HLCS: variants seen among roughly 807,000 people sequenced by gnomAD.
HLCS encodes holocarboxylase synthetase.
HLCS carries 53 observed loss-of-function variants against 75.0 expected under a neutral mutation model. The ratio of observed to expected loss-of-function variants is 0.71; its 90% CI spans 0.57 to 0.89. The LOEUF is 0.89. Among genes scored for constraint, HLCS ranks in the 40% least tolerant of loss-of-function variants. The pLI is 0.00. For missense variants in HLCS, 966 were observed against 1,074.0 expected (o/e 0.90, Z 1.41); for synonymous variants, 431 against 428.6 (o/e 1.01, Z -0.07).
intron 9 of HLCS, among the ~76,000 whole-genome samples, chr21:36,758,983 CAA>C (rs376622742): frequency 1.5e-5 from 2 of 131,440 alleles, no homozygotes; most frequent in Non-Finnish European, 1.7e-5. Flanking sequence ...GACTCCATTT[CAA>C]AAAAAAAAAA....
intron 6 of HLCS, among the ~76,000 whole-genome samples, chr21:36,881,820 CAG>C (rs2146273673): frequency 6.6e-6 from 1 of 152,252 alleles, no homozygotes; most frequent in Admixed American, 6.5e-5. Flanking sequence ...CCCATGTGGA[CAG>C]GGGGGCTCTG....
At chr21:36,774,825 C>T (rs1293751874) in intron 6 of HLCS, among the ~76,000 whole-genome samples, 1 of 152,224 alleles carries the variant, frequency 6.6e-6, no homozygotes, top group Non-Finnish European at 1.5e-5. Flanking sequence ...GTTGAACTGG[C>T]TCTTCGGCTG....
upstream of HLCS, among the ~76,000 whole-genome samples, chr21:36,967,154 G>A (rs571568778): frequency 6.6e-6 from 1 of 152,076 alleles, no homozygotes; most frequent in African/African-American, 2.4e-5. Flanking sequence ...AGCTGCCAAG[G>A]CCAACCTTTA....
chr21:36,874,404 A>AAAATAAAATAAAAT (rs1350934078), intron 6 of HLCS, among the ~76,000 whole-genome samples: 1 of 121,868 alleles, frequency 8.2e-6, no homozygotes, highest in African/African-American at 4.3e-5. Flanking sequence ...TCCGTCTCAA[A>AAAATAAAATAAAAT]AAAATAAAAT....
At chr21:36,913,336 G>A (rs564371567) in intron 5 of HLCS, among the ~76,000 whole-genome samples, 12 of 152,070 alleles carry the variant, frequency 7.9e-5, no homozygotes, top group Non-Finnish European at 1.6e-4. Flanking sequence ...AATGCTGATG[G>A]TATCACAAAG....
At chr21:36,982,349 C>G (rs898099708) in intron 1 of HLCS, among the ~76,000 whole-genome samples, 2 of 152,206 alleles carry the variant, frequency 1.3e-5, no homozygotes, top group African/African-American at 4.8e-5. Flanking sequence ...AAGCATTTCT[C>G]TGGGTGTGGA....
At chr21:36,982,254 G>T (rs1730027586) in intron 1 of HLCS, among the ~76,000 whole-genome samples, 1 of 152,096 alleles carries the variant, frequency 6.6e-6, no homozygotes, top group Non-Finnish European at 1.5e-5. Context: ...TTCTCCTGGG[G>T]ATCAACATGG....
At chr21:36,772,786 C>T (rs965253154) in intron 6 of HLCS, among the ~76,000 whole-genome samples, 2 of 151,992 alleles carry the variant, frequency 1.3e-5, no homozygotes, top group Admixed American at 1.3e-4. Context: ...AGATCGAGAC[C>T]ATCCTGGCCA....
intron 6 of HLCS, among the ~76,000 whole-genome samples, chr21:36,847,433 A>G (rs1023722739): frequency 2.6e-5 from 4 of 152,220 alleles, no homozygotes; most frequent in African/African-American, 9.6e-5. Context: ...CAGTACAGAA[A>G]GTCAGAATAA....
chr21:36,839,698 A>G (rs1357839421), intron 6 of HLCS, among the ~76,000 whole-genome samples: 1 of 149,056 alleles, frequency 6.7e-6, no homozygotes, highest in Non-Finnish European at 1.5e-5. Flanking sequence ...AAGATGGTCC[A>G]GCTCACTGGC....
chr21:36,855,536 TAAAAAAAA>T (rs71901243), intron 6 of HLCS, among the ~76,000 whole-genome samples: 3 of 75,634 alleles, frequency 4.0e-5, no homozygotes, highest in Non-Finnish European at 8.2e-5. Flanking sequence ...AGACTCCATC[TAAAAAAAA>T]AAAAAAAAAA....
chr21:36,830,821 CAAAAAAAAA>C (rs34494258), intron 6 of HLCS, among the ~76,000 whole-genome samples: 1 of 62,004 alleles, frequency 1.6e-5, no homozygotes, highest in Admixed American at 2.1e-4. Flanking sequence ...GACCCTCTCT[CAAAAAAAAA>C]AAAAAAAAAA....
At chr21:36,795,995 A>C (rs8129544) in intron 6 of HLCS, among the ~76,000 whole-genome samples, 44,791 of 152,212 alleles carry the variant, frequency 0.29, 6,776 homozygotes, top group South Asian at 0.32. Context: ...ATTTTGGTGG[A>C]TTTAGTAAAC....
intron 2 of HLCS, among the ~76,000 whole-genome samples, chr21:36,939,260 T>C: frequency 6.6e-6 from 1 of 152,174 alleles, no homozygotes; most frequent in Non-Finnish European, 1.5e-5. Context: ...TTTTAAGGAA[T>C]TAAAAGATAA....
chr21:36,958,579 A>C, intron 2 of HLCS, among the ~76,000 whole-genome samples: 1 of 152,140 alleles, frequency 6.6e-6, no homozygotes. Context: ...GCCTGAGCTC[A>C]GGAGTTCGAG....
chr21:36,778,705 T>A (rs979958710), intron 6 of HLCS, among the ~76,000 whole-genome samples: 3 of 152,252 alleles, frequency 2.0e-5, no homozygotes, highest in Non-Finnish European at 4.4e-5. Context: ...ATTATTTATC[T>A]TTTAATTTAT....
intron 2 of HLCS, among the ~76,000 whole-genome samples, chr21:36,954,386 A>C (rs1160543862): frequency 6.6e-6 from 1 of 151,504 alleles, no homozygotes; most frequent in Admixed American, 6.6e-5. Context: ...AGGCTGAGGC[A>C]GGCAGATCAC....
At chr21:36,981,321 C>A (rs183086781) in intron 1 of HLCS, among the ~76,000 whole-genome samples, 10 of 152,074 alleles carry the variant, frequency 6.6e-5, no homozygotes, top group Admixed American at 5.9e-4. Context: ...GGATTTCTTT[C>A]CCCATGTTAC....
At chr21:36,761,139 T>C (rs1490414586) in intron 8 of HLCS, among the ~76,000 whole-genome samples, 1 of 152,240 alleles carries the variant, frequency 6.6e-6, no homozygotes, top group East Asian at 1.9e-4. Flanking sequence ...CCAGCCTATG[T>C]GTTGGTGCTA....
Sources: allele counts gnomAD v4.1 joint callset (sites outside exome capture counted in the v4.1 genomes callset), GRCh38; gene constraint gnomAD v4.1.1; transcripts MANE v1.5; gene names NCBI Gene and HGNC (gene_info 2026-07-23, HGNC 2026-07-21).